The following NUDCD3 variants were observed in gnomAD, a reference collection of about 807,000 sequenced individuals.
NUDCD3 encodes the protein NudC domain containing 3.
A neutral mutation model predicts 39.7 loss-of-function variants in NUDCD3; 13 were observed. The ratio of observed to expected loss-of-function variants is 0.33; its 90% CI spans 0.21 to 0.52. The LOEUF (loss-of-function observed/expected upper bound fraction) is 0.52, where lower values mean the gene tolerates loss of function less well. Among genes scored for constraint, NUDCD3 ranks in the 20% least tolerant of loss-of-function variants. The probability of loss-of-function intolerance (pLI) is 0.96; values close to 1 mark genes in which losing one functional copy is unlikely to be tolerated. For missense variants in NUDCD3, 453 were observed against 458.1 expected (o/e 0.99, Z 0.10); for synonymous variants, 175 against 172.4 (o/e 1.02, Z -0.12).
At chr7:44,443,972 T>C (rs1454023372) in intron 2 of NUDCD3, among the ~76,000 whole-genome samples, 1 of 152,244 alleles carries the variant, frequency 6.6e-6, no homozygotes, top group Non-Finnish European at 1.5e-5. Context: ...GAGTATAGTC[T>C]ATGAAATTCT....
chr7:44,456,058 AC>A (rs1250653136), intron 2 of NUDCD3, among the ~76,000 whole-genome samples: 2 of 116,636 alleles, frequency 1.7e-5, no homozygotes, highest in Admixed American at 7.8e-5. Flanking sequence ...AAACAAAAAA[AC>A]AAACAACAAT....
chr7:44,402,753 C>T (rs1798749619), intron 4 of NUDCD3: 2 of 453,612 alleles, frequency 4.4e-6, no homozygotes, highest in South Asian at 1.6e-5. Flanking sequence ...TGTTTTAAGG[C>T]AGGGCTATCA....
At chr7:44,475,187 C>CT (rs2116970433) in intron 2 of NUDCD3, among the ~76,000 whole-genome samples, 1 of 151,468 alleles carries the variant, frequency 6.6e-6, no homozygotes, top group African/African-American at 2.4e-5. Flanking sequence ...TCTCAGCTCA[C>CT]TGCAACCCCC....
intron 2 of NUDCD3, among the ~76,000 whole-genome samples, chr7:44,438,790 T>C (rs953114446): frequency 1.3e-5 from 2 of 152,152 alleles, no homozygotes; most frequent in East Asian, 1.9e-4. Flanking sequence ...ATACGCAAGA[T>C]ACACTGCCAG....
intron 3 of NUDCD3, chr7:44,413,106 T>C (rs1242071496): frequency 6.6e-6 from 1 of 152,080 alleles, no homozygotes; most frequent in Admixed American, 6.5e-5. Context: ...CTGATTCAAA[T>C]TTCAGAAGCC....
chr7:44,403,253 G>A (rs558964765), intron 4 of NUDCD3, among the ~76,000 whole-genome samples: 19 of 152,348 alleles, frequency 1.2e-4, no homozygotes, highest in African/African-American at 3.8e-4. Flanking sequence ...GGCCAGGAGA[G>A]TCAGAACTGG....
chr7:44,444,758 C>T (rs950435462), intron 2 of NUDCD3, among the ~76,000 whole-genome samples: 1 of 152,004 alleles, frequency 6.6e-6, no homozygotes, highest in African/African-American at 2.4e-5. Flanking sequence ...GCCCTTCTTA[C>T]CCACTGATAC....
At position 44,381,694 on chromosome 7, in the gene NUDCD3, A is replaced by C. The variant is rs187221104; in HGVS notation, c.*4317T>G. The C allele has an allele frequency of 1.9e-4, 29 of 152,324 alleles. 1 individual carries two copies. The highest frequency in any genetic ancestry group is 1.7e-3 in the South Asian group (8 of 4,828). 9.4% of individuals were successfully genotyped at this position (152,324 alleles called of 1,614,324 possible). On this transcript the variant is annotated 3_prime_UTR_variant, in exon 6 of 6. Transcript: ENST00000355451. ...AGTGTTTCCTAAGCTGTCCTTCTCC[A>C]GGGAGAATAGCCTCAGCCCTGCCTG...
intron 1 of NUDCD3, among the ~76,000 whole-genome samples, chr7:44,487,695 T>C (rs766572290): frequency 1.2e-4 from 19 of 152,146 alleles, no homozygotes; most frequent in Non-Finnish European, 1.9e-4. Context: ...CTCATGTCTG[T>C]AATCCCAGCA....
chr7:44,433,656 TC>T (rs1799412000), intron 2 of NUDCD3, among the ~76,000 whole-genome samples: 1 of 152,150 alleles, frequency 6.6e-6, no homozygotes, highest in South Asian at 2.1e-4. Flanking sequence ...CAGACATGGC[TC>T]ACTCCCTCCC....
intron 2 of NUDCD3, 108 bp downstream of exon 2, chr7:44,484,860 T>C: frequency 1.2e-6 from 1 of 837,344 alleles, no homozygotes; most frequent in Non-Finnish European, 1.9e-6. Flanking sequence ...GCTAAATAAA[T>C]ACTGAGATCA....
intron 2 of NUDCD3, among the ~76,000 whole-genome samples, chr7:44,477,716 T>C (rs1271437187): frequency 6.6e-6 from 1 of 152,012 alleles, no homozygotes; most frequent in African/African-American, 2.4e-5. Flanking sequence ...TCTTCCACAG[T>C]GCTAATCATG....
rs77959704 is a variant in NUDCD3, at chr7:44,484,518, A to G, written c.509+450T>C. On this transcript the variant is annotated intron_variant, in intron 2 of 5. Transcript: ENST00000355451. ...TTATACTGCTTGTTCAAGGTAATAC[A>G]TTCAGGAAGCGGCATAGCGAGGATG... is the stretch of plus-strand genomic sequence containing the variant. 4.6e-3 allele frequency: 725 copies of G among 158,672 alleles called. 13 individuals are homozygous for G. The highest frequency in any genetic ancestry group is 0.034 in the Admixed American group (558 of 16,600). 9.8% of individuals were successfully genotyped at this position (158,672 alleles called of 1,614,324 possible).
chr7:44,395,596 C>A (rs1275237326), intron 4 of NUDCD3, among the ~76,000 whole-genome samples: 6 of 152,194 alleles, frequency 3.9e-5, no homozygotes, highest in African/African-American at 1.4e-4. Context: ...CCCCACCAAG[C>A]CACTGGCAAC....
intron 4 of NUDCD3, among the ~76,000 whole-genome samples, chr7:44,401,483 C>A (rs945387153): frequency 6.6e-6 from 1 of 152,154 alleles, no homozygotes; most frequent in Non-Finnish European, 1.5e-5. Flanking sequence ...GAGCCCTGCA[C>A]GGGAGCACTA....
Position 44,437,069 on chromosome 7 carries a change from CT to C in NUDCD3, c.510-9367del, listed in dbSNP as rs35904938. Reference sequence around the variant, plus strand: ...TTATTACCCCTTTTTCTTTTCTTTTCTTTTTTTTTTTTTTTTTTGAGACGGA... The same window carrying C: ...TTATTACCCCTTTTTCTTTTCTTTTCTTTTTTTTTTTTTTTTTGAGACGGA... On this transcript the variant is annotated intron_variant, in intron 2 of 5. Transcript: ENST00000355451. 3.0e-3 allele frequency among the ~76,000 whole-genome samples: 356 copies of C among 117,270 alleles called. 2 individuals are homozygous for C. The highest frequency in any genetic ancestry group is 0.025 in the Middle Eastern group (5 of 198). 76.9% of individuals were successfully genotyped at this position (117,270 alleles called of 152,430 possible).
chr7:44,457,587 G>A (rs1799927998), intron 2 of NUDCD3, among the ~76,000 whole-genome samples: 1 of 152,068 alleles, frequency 6.6e-6, no homozygotes, highest in Non-Finnish European at 1.5e-5. Flanking sequence ...AAAATACTTA[G>A]GAATACATGT....
At chr7:44,436,205 T>C (rs1037745440) in intron 2 of NUDCD3, among the ~76,000 whole-genome samples, 1 of 152,202 alleles carries the variant, frequency 6.6e-6, no homozygotes, top group African/African-American at 2.4e-5. Flanking sequence ...GATAATTATA[T>C]TAAATTTAAG....
chr7:44,420,624 G>C (rs893001202), intron 3 of NUDCD3, among the ~76,000 whole-genome samples: 10 of 152,174 alleles, frequency 6.6e-5, no homozygotes, highest in Admixed American at 5.9e-4. Context: ...TCTACAAAGG[G>C]AAGCCCACAG....
Sources: gnomAD v4.1 joint callset for allele counts (sites outside exome capture counted in the v4.1 genomes callset) on GRCh38, gnomAD v4.1.1 for gene constraint, MANE v1.5 for transcripts, NCBI Gene and HGNC (gene_info 2026-07-23, HGNC 2026-07-21) for gene names.